The following CDK6 variants were observed in gnomAD, a reference collection of about 807,000 sequenced individuals.
CDK6 encodes cyclin dependent kinase 6.
A neutral mutation model predicts 37.1 loss-of-function variants in CDK6; 6 were observed. That is an observed-to-expected ratio of 0.16 (90% confidence interval 0.09 to 0.32). The LOEUF (loss-of-function observed/expected upper bound fraction) is 0.32. CDK6 is among the 10% of genes least tolerant of loss of function. The probability of loss-of-function intolerance (pLI) is 1.00; values close to 1 mark genes in which losing one functional copy is unlikely to be tolerated. For synonymous variants in CDK6, 160 were observed against 161.3 expected (o/e 0.99, Z 0.06); for missense variants, 224 against 418.9 (o/e 0.53, Z 4.06).
intron 3 of CDK6, among the ~76,000 whole-genome samples, chr7:92,747,185 T>C (rs1799081189): frequency 6.6e-6 from 1 of 152,200 alleles, no homozygotes; most frequent in South Asian, 2.1e-4. Flanking sequence ...GCTTTTCCTT[T>C]ACTCCGGACA....
rs1026122276 is a variant in CDK6, at chr7:92,614,569, C to A, written c.*571G>T. 1 of 233,704 alleles carries A rather than the reference C, an allele frequency of 4.3e-6. No homozygotes were observed. The highest frequency in any genetic ancestry group is 5.6e-5 in the Admixed American group (1 of 17,806). The allele number at this position is 233,704 out of a possible 1,614,324, so 14.5% of individuals were successfully genotyped here. A position where few individuals can be genotyped will look rare whatever the true frequency, so the allele number is the denominator to read the frequency against. ...GGGTTAACTTTCTAATTTGAGAAGA[C>A]TATTTTGGTGAATCACCTTCAGTGA... is the stretch of plus-strand genomic sequence containing the variant. On this transcript the variant is annotated 3_prime_UTR_variant, in exon 8 of 8. Coordinates refer to ENST00000424848, the MANE Select transcript of CDK6 (RefSeq NM_001145306.2).
chr7:92,607,660 G>A lies in CDK6; in HGVS notation c.*7480C>T. On this transcript the variant is annotated 3_prime_UTR_variant, in exon 8 of 8. Coordinates refer to ENST00000424848, the MANE Select transcript of CDK6 (RefSeq NM_001145306.2). ...ACTTTCACAGGACTAGTGTGATTCAGAAATAAATAACATACATGAATAATA... is the reference window on the plus strand; with the variant it reads ...ACTTTCACAGGACTAGTGTGATTCAAAAATAAATAACATACATGAATAATA... 1 of 232,356 alleles carries A rather than the reference G, an allele frequency of 4.3e-6. No homozygotes were observed. Among genetic ancestry groups the A allele is most frequent in the Non-Finnish European group, 8.5e-6 (1 of 117,638 alleles). The allele number at this position is 232,356 out of a possible 1,614,324, so 14.4% of individuals were successfully genotyped here.
chr7:92,753,651 C>T (rs1562955908), intron 3 of CDK6, among the ~76,000 whole-genome samples: 1 of 152,100 alleles, frequency 6.6e-6, no homozygotes, highest in Non-Finnish European at 1.5e-5. Flanking sequence ...CACCACCACG[C>T]CCAGCTAGTA....
Position 92,835,221 on chromosome 7 carries a change from A to C in CDK6, c.-368+1257T>G, listed in dbSNP as rs1469582885. On this transcript the variant is annotated intron_variant, in intron 1 of 7. Transcript: ENST00000424848. The surrounding 1 kb of genome is among the most constrained non-coding windows in gnomAD (Gnocchi z 4.2). Reference sequence around the variant, plus strand: ...GGGTCTGAGCCAGGTCGAGGGCCACACAGGTAGCCGGGGAGCCGCCGCCGG... The same window carrying C: ...GGGTCTGAGCCAGGTCGAGGGCCACCCAGGTAGCCGGGGAGCCGCCGCCGG... The C allele has an allele frequency of 6.5e-6, 1 of 153,312 alleles. No homozygotes were observed. Among genetic ancestry groups the C allele is most frequent in the African/African-American group, 2.4e-5 (1 of 41,432 alleles). The allele number at this position is 153,312 out of a possible 1,614,324, so 9.5% of individuals were successfully genotyped here.
At chr7:92,702,220 CTTTTTTTTTTTTTT>C (rs3066453) in intron 4 of CDK6, among the ~76,000 whole-genome samples, 6 of 44,960 alleles carry the variant, frequency 1.3e-4, no homozygotes, top group East Asian at 7.4e-4. Flanking sequence ...CAAGTATATT[CTTTTTTTTTTTTTT>C]TTTTTTTTTT....
At chr7:92,828,823 G>A (rs1261452543) in intron 2 of CDK6, among the ~76,000 whole-genome samples, 1 of 151,970 alleles carries the variant, frequency 6.6e-6, no homozygotes, top group African/African-American at 2.4e-5. Flanking sequence ...TTCTTCTGTA[G>A]GAACAAAAAA....
At chr7:92,830,202 G>A (rs1016978547) in intron 2 of CDK6, among the ~76,000 whole-genome samples, 4 of 152,156 alleles carry the variant, frequency 2.6e-5, no homozygotes, top group African/African-American at 9.7e-5. Context: ...GGCTGATCAG[G>A]CGAGGGCCTG....
chr7:92,738,963 A>G (rs1478209425), intron 3 of CDK6, among the ~76,000 whole-genome samples: 1 of 152,062 alleles, frequency 6.6e-6, no homozygotes, highest in East Asian at 1.9e-4. Flanking sequence ...CTGGTCCTCT[A>G]AGGCCTAATC....
At chr7:92,812,340 C>T (rs948791438) in intron 2 of CDK6, among the ~76,000 whole-genome samples, 1 of 152,032 alleles carries the variant, frequency 6.6e-6, no homozygotes, top group Non-Finnish European at 1.5e-5. Flanking sequence ...CAATAATATC[C>T]AATAATCAAT....
chr7:92,803,689 T>A (rs1800651037), intron 2 of CDK6, among the ~76,000 whole-genome samples: 1 of 152,086 alleles, frequency 6.6e-6, no homozygotes, highest in African/African-American at 2.4e-5. Flanking sequence ...ACATGTGTGA[T>A]GTGGGAAGAA....
chr7:92,662,648 T>C (rs1796865647), intron 5 of CDK6, among the ~76,000 whole-genome samples: 1 of 152,194 alleles, frequency 6.6e-6, no homozygotes, highest in Admixed American at 6.6e-5. Flanking sequence ...AGCTGAGTGA[T>C]GCAGCTGCTG....
intron 4 of CDK6, among the ~76,000 whole-genome samples, chr7:92,706,894 A>G (rs1488786989): frequency 6.6e-6 from 1 of 152,162 alleles, no homozygotes; most frequent in Non-Finnish European, 1.5e-5. Flanking sequence ...GAAAAAATAC[A>G]TTTTATTTTT....
At chr7:92,684,019 C>T (rs10245144) in intron 4 of CDK6, among the ~76,000 whole-genome samples, 3,168 of 152,164 alleles carry the variant, frequency 0.021, 123 homozygotes, top group African/African-American at 0.073. Context: ...TAGGGGGCTA[C>T]GGAAGGAGAG....
intron 2 of CDK6, among the ~76,000 whole-genome samples, chr7:92,791,539 G>A (rs954089226): frequency 3.3e-5 from 5 of 152,132 alleles, no homozygotes; most frequent in African/African-American, 1.2e-4. Context: ...TAGAATATAG[G>A]AGAAGTCAGT....
At chr7:92,695,545 C>A (rs1797697730) in intron 4 of CDK6, among the ~76,000 whole-genome samples, 1 of 152,186 alleles carries the variant, frequency 6.6e-6, no homozygotes, top group African/African-American at 2.4e-5. Context: ...CATGTGAAGC[C>A]CCGCTAAATA....
At chr7:92,692,550 G>A (rs1314383395) in intron 4 of CDK6, among the ~76,000 whole-genome samples, 4 of 152,148 alleles carry the variant, frequency 2.6e-5, no homozygotes, top group East Asian at 1.9e-4. Context: ...TTGGGAGGCC[G>A]AGGTGGGCAG....
At chr7:92,702,285 T>G (rs1797869532) in intron 4 of CDK6, among the ~76,000 whole-genome samples, 1 of 123,148 alleles carries the variant, frequency 8.1e-6, no homozygotes, top group South Asian at 2.9e-4. Flanking sequence ...CAGGCTGGAG[T>G]GCAGTGGCAT....
intron 5 of CDK6, among the ~76,000 whole-genome samples, chr7:92,655,892 C>CA (rs1796684398): frequency 6.6e-6 from 1 of 152,264 alleles, no homozygotes; most frequent in Admixed American, 6.5e-5. Context: ...CACATACACA[C>CA]ACGCTCCTAA....
At chr7:92,765,941 G>A (rs1437301655) in intron 3 of CDK6, among the ~76,000 whole-genome samples, 2 of 152,094 alleles carry the variant, frequency 1.3e-5, no homozygotes, top group East Asian at 3.9e-4. Context: ...CCAAACAGAT[G>A]AAAAATCAGC....
Sources: gnomAD v4.1 joint callset for allele counts (sites outside exome capture counted in the v4.1 genomes callset) on GRCh38, gnomAD v4.1.1 for gene constraint, Gnocchi (gnomAD v3.1) non-coding constraint, MANE v1.5 for transcripts, NCBI Gene and HGNC (gene_info 2026-07-23, HGNC 2026-07-21) for gene names.